The following MGAT4C variants were observed in gnomAD, a reference collection of about 807,000 sequenced individuals.
The protein encoded by MGAT4C is alpha-1,3-mannosyl-glycoprotein 4-beta-N-acetylglucosaminyltransferase C.
A neutral mutation model predicts 40.1 loss-of-function variants in MGAT4C; 19 were observed. The observed-to-expected ratio is 0.47, with a 90% CI of 0.33 to 0.70. The LOEUF (loss-of-function observed/expected upper bound fraction) is 0.70. Among genes scored for constraint, MGAT4C ranks in the 30% least tolerant of loss-of-function variants. The pLI, the probability that MGAT4C is intolerant of heterozygous loss-of-function variation, is 0.02. For synonymous variants in MGAT4C, 181 were observed against 187.1 expected, an observed-to-expected ratio of 0.97 and a Z score of 0.27; for missense variants, 491 against 563.2, an observed-to-expected ratio of 0.87 and a Z score of 1.30.
intron 2 of MGAT4C, among the ~76,000 whole-genome samples, chr12:86,648,914 A>AT (rs924055941): frequency 6.6e-6 from 1 of 151,412 alleles, no homozygotes; most frequent in Non-Finnish European, 1.5e-5. Flanking sequence ...CTCTCTATAG[A>AT]TTTTTTTCCT....
chr12:86,681,365 C>G (rs985564329), intron 2 of MGAT4C, among the ~76,000 whole-genome samples: 1 of 151,864 alleles, frequency 6.6e-6, no homozygotes, highest in Non-Finnish European at 1.5e-5. Flanking sequence ...CATTTGCAAC[C>G]ATGGTGGACT....
intron 3 of MGAT4C, among the ~76,000 whole-genome samples, chr12:86,350,341 G>A (rs1030622023): frequency 3.9e-5 from 6 of 152,120 alleles, no homozygotes; most frequent in African/African-American, 1.4e-4. Context: ...TTTGCTATTA[G>A]ATTTGGTCAC....
At chr12:86,131,205 C>T (rs1881124808) in intron 1 of MGAT4C, among the ~76,000 whole-genome samples, 2 of 152,036 alleles carry the variant, frequency 1.3e-5, no homozygotes, top group Non-Finnish European at 2.9e-5. Flanking sequence ...TAATATCTAT[C>T]TCTTAGTCTA....
intron 1 of MGAT4C, among the ~76,000 whole-genome samples, chr12:86,235,587 G>T (rs1951500277): frequency 6.6e-6 from 1 of 151,216 alleles, no homozygotes; most frequent in Non-Finnish European, 1.5e-5. Context: ...AATATAAATT[G>T]TTCTCTCTAT....
intron 2 of MGAT4C, among the ~76,000 whole-genome samples, chr12:86,492,175 T>C (rs1592913082): frequency 6.6e-6 from 1 of 152,202 alleles, no homozygotes; most frequent in African/African-American, 2.4e-5. Context: ...GAACATTCCA[T>C]GCTCCTGGGT....
At chr12:86,009,969 G>C (rs940383426) in intron 2 of MGAT4C, among the ~76,000 whole-genome samples, 1 of 151,886 alleles carries the variant, frequency 6.6e-6, no homozygotes, top group African/African-American at 2.4e-5. Flanking sequence ...ATCAATTCTT[G>C]GTAAAGTACT....
intron 3 of MGAT4C, among the ~76,000 whole-genome samples, chr12:86,406,472 A>C (rs776499190): frequency 7.9e-5 from 12 of 152,102 alleles, no homozygotes; most frequent in Non-Finnish European, 1.5e-4. Flanking sequence ...GCAAATCGCA[A>C]GTAAGCACAT....
chr12:86,744,690 T>C (rs1951125833), intron 1 of MGAT4C, among the ~76,000 whole-genome samples: 1 of 151,514 alleles, frequency 6.6e-6, no homozygotes, highest in Admixed American at 6.6e-5. Flanking sequence ...ATCCAGGACA[T>C]TCTTAGCATA....
chr12:86,588,388 C>A (rs1436750935), intron 2 of MGAT4C, among the ~76,000 whole-genome samples: 1 of 151,808 alleles, frequency 6.6e-6, no homozygotes, highest in Non-Finnish European at 1.5e-5. Context: ...TACAGGAGCA[C>A]CCAGATTCAT....
At chr12:86,733,492 G>C (rs534654064) in intron 1 of MGAT4C, among the ~76,000 whole-genome samples, 4 of 152,002 alleles carry the variant, frequency 2.6e-5, no homozygotes, top group Non-Finnish European at 5.9e-5. Flanking sequence ...ATGTTGAAAG[G>C]GTCTGTGATT....
intron 3 of MGAT4C, among the ~76,000 whole-genome samples, chr12:86,338,459 T>G (rs954443765): frequency 6.6e-6 from 1 of 152,204 alleles, no homozygotes; most frequent in Non-Finnish European, 1.5e-5. Context: ...GGCTAATTTC[T>G]TAGTCCTACA....
At chr12:86,638,214 T>C (rs542469909) in intron 2 of MGAT4C, among the ~76,000 whole-genome samples, 1 of 151,944 alleles carries the variant, frequency 6.6e-6, no homozygotes, top group Non-Finnish European at 1.5e-5. Flanking sequence ...AGTAGACTTA[T>C]TCTTTGCCCC....
chr12:86,422,879 A>G (rs1267354401), intron 3 of MGAT4C, among the ~76,000 whole-genome samples: 1 of 152,180 alleles, frequency 6.6e-6, no homozygotes, highest in Admixed American at 6.5e-5. Context: ...AGGGCTTAAT[A>G]TATCTGATAT....
At chr12:86,113,080 A>G (rs1470460107) in intron 1 of MGAT4C, among the ~76,000 whole-genome samples, 1 of 151,814 alleles carries the variant, frequency 6.6e-6, no homozygotes, top group Non-Finnish European at 1.5e-5. Flanking sequence ...CTCAGGTGGA[A>G]TTAATGGAAA....
At chr12:86,265,524 G>T (rs1592616348) in intron 4 of MGAT4C, among the ~76,000 whole-genome samples, 2 of 152,236 alleles carry the variant, frequency 1.3e-5, no homozygotes, top group African/African-American at 4.8e-5. Flanking sequence ...TGATTTACGT[G>T]CCTGTTTTTT....
At chr12:86,103,252 A>T (rs1875458253) in intron 1 of MGAT4C, among the ~76,000 whole-genome samples, 1 of 152,188 alleles carries the variant, frequency 6.6e-6, no homozygotes, top group Non-Finnish European at 1.5e-5. Flanking sequence ...AAAAGAGTGA[A>T]TAATATTTTA....
At chr12:86,364,874 A>C (rs1165508809) in intron 3 of MGAT4C, among the ~76,000 whole-genome samples, 1 of 152,196 alleles carries the variant, frequency 6.6e-6, no homozygotes, top group Non-Finnish European at 1.5e-5. Flanking sequence ...AAATGGAGGC[A>C]GGGTGAGATC....
At chr12:86,664,801 A>T (rs550272568) in intron 2 of MGAT4C, among the ~76,000 whole-genome samples, 141 of 152,184 alleles carry the variant, frequency 9.3e-4, no homozygotes, top group Admixed American at 3.3e-3. Flanking sequence ...GAAAAAAACA[A>T]TTCCGGTTTC....
At chr12:86,577,270 T>C (rs1352086658) in intron 2 of MGAT4C, among the ~76,000 whole-genome samples, 1 of 151,902 alleles carries the variant, frequency 6.6e-6, no homozygotes, top group African/African-American at 2.4e-5. Flanking sequence ...ATTTAACTTA[T>C]GCCTTTCCAA....
Sources: allele counts gnomAD v4.1 joint callset (sites outside exome capture counted in the v4.1 genomes callset), GRCh38; gene constraint gnomAD v4.1.1; transcripts MANE v1.5; gene names NCBI Gene and HGNC (gene_info 2026-07-23, HGNC 2026-07-21).